Variants in CNOT1 observed in about 807,000 individuals in gnomAD.
CNOT1 encodes CCR4-NOT transcription complex subunit 1, also known as CCR4-associated factor 1.
CNOT1 carries 15 observed loss-of-function variants against 273.8 expected under a neutral mutation model. The observed-to-expected ratio is 0.05, with a 90% confidence interval of 0.04 to 0.08. The LOEUF is 0.08. Among genes scored for constraint, CNOT1 ranks in the 10% least tolerant of loss-of-function variants. The pLI is 1.00. For missense variants in CNOT1, 1,644 were observed against 2,912.2 expected (o/e 0.56, Z 10.02); for synonymous variants, 1,022 against 1,005.5 (o/e 1.02, Z -0.31).
intron 1 of CNOT1, among the ~76,000 whole-genome samples, chr16:58,628,394 G>A (rs540969403): frequency 1.3e-5 from 2 of 152,028 alleles, no homozygotes; most frequent in Non-Finnish European, 2.9e-5. Context: ...AATACCAACC[G>A]GGACCACAGA....
chr16:58,552,312 T>G (rs2040478230), intron 22 of CNOT1, among the ~76,000 whole-genome samples: 1 of 152,018 alleles, frequency 6.6e-6, no homozygotes, highest in Non-Finnish European at 1.5e-5. Flanking sequence ...ATTTCAACAG[T>G]CCTTACCTAG....
chr16:58,623,000 C>A (rs2043409642), intron 1 of CNOT1, among the ~76,000 whole-genome samples: 1 of 152,006 alleles, frequency 6.6e-6, no homozygotes, highest in Non-Finnish European at 1.5e-5. Flanking sequence ...GAGTTCGAGA[C>A]CAGCCTGACC....
At chr16:58,607,641 A>G (rs8062272) in intron 1 of CNOT1, among the ~76,000 whole-genome samples, 112,230 of 149,232 alleles carry the variant, frequency 0.75, 42,625 homozygotes, top group Middle Eastern at 0.86. Context: ...CAGGAAAATC[A>G]CTTGAATCCA....
intron 1 of CNOT1, among the ~76,000 whole-genome samples, chr16:58,620,117 A>G (rs2043255133): frequency 6.6e-6 from 1 of 152,190 alleles, no homozygotes; most frequent in Admixed American, 6.6e-5. Context: ...AACTGTAATA[A>G]ATGAAGCACT....
chr16:58,526,085 A>G lies in CNOT1; in HGVS notation c.6507T>C (p.Thr2169=). ...TTTTGAACTGAGGTGGCATTACTCC[A>G]GTGAAATTGGTGAGAATCCGGGGAG... ...NIAPRILTNF[T]GVMPPQFKKD... is the part of the protein sequence containing the mutation. The change falls in exon 45 of 49, where the codon ACT becomes ACC. Residue 2169 remains threonine, a synonymous_variant. Coordinates refer to ENST00000317147, the MANE Select transcript of CNOT1 (RefSeq NM_016284.5). The G allele has an allele frequency of 6.2e-7, 1 of 1,614,122 alleles. No individual in the cohort carries two copies.
rs2040596131 is a variant in CNOT1, at chr16:58,555,286, A to G, written c.2856T>C (p.Tyr952=). 6 of 1,614,178 alleles carry G rather than the reference A, an allele frequency of 3.7e-6. No individual in the cohort carries two copies. The highest frequency in any genetic ancestry group is 5.1e-6 in the Non-Finnish European group (6 of 1,180,042). Residue 952 remains tyrosine, a synonymous_variant, in exon 21 of 49, where the codon TAT becomes TAC. Transcript: ENST00000317147. The stretch of plus-strand genomic sequence containing the variant: ...ATCTATCTAGTGCAGCAATCCCGAA[A>G]TAATACATTTTGGATCCAAAAGGCT... ...LRKPFGSKMY[Y]FGIAALDRFK...
intron 1 of CNOT1, among the ~76,000 whole-genome samples, chr16:58,611,678 G>A (rs1251816445): frequency 6.6e-6 from 1 of 151,796 alleles, no homozygotes. Context: ...AAAATTAGCT[G>A]GGTGTGGTGG....
intron 18 of CNOT1, among the ~76,000 whole-genome samples, chr16:58,557,951 C>G (rs1597455003): frequency 6.6e-6 from 1 of 152,250 alleles, no homozygotes; most frequent in East Asian, 1.9e-4. Flanking sequence ...GATCGTACCA[C>G]TGCACTCCAG....
intron 43 of CNOT1, 54 bp downstream of exon 43, chr16:58,530,192 G>A (rs909976804): frequency 2.1e-6 from 3 of 1,410,120 alleles, no homozygotes; most frequent in African/African-American, 1.4e-5. Context: ...TTCCTAAAGT[G>A]TATTTTCTTA....
At chr16:58,622,175 G>A (rs546252989) in intron 1 of CNOT1, among the ~76,000 whole-genome samples, 12 of 151,284 alleles carry the variant, frequency 7.9e-5, no homozygotes, top group African/African-American at 2.4e-4. Context: ...TTAGCCAGGC[G>A]TGGTGGTGGG....
At chr16:58,601,734 T>TAAAAAA (rs66711143) in intron 1 of CNOT1, among the ~76,000 whole-genome samples, 13 of 91,504 alleles carry the variant, frequency 1.4e-4, no homozygotes, top group East Asian at 5.3e-4. Flanking sequence ...ATACCCACCT[T>TAAAAAA]AAAAAAAAAA....
intron 16 of CNOT1, among the ~76,000 whole-genome samples, chr16:58,572,971 T>A (rs1406604680): frequency 1.3e-5 from 2 of 148,406 alleles, no homozygotes; most frequent in Non-Finnish European, 3.0e-5. Context: ...TTTAACAAAA[T>A]CAGTACAAGA....
chr16:58,592,039 A>T (rs2042078970), intron 2 of CNOT1, among the ~76,000 whole-genome samples: 1 of 152,048 alleles, frequency 6.6e-6, no homozygotes. Context: ...TGATATACTT[A>T]ATTTTTCATA....
rs545494097 is a variant in CNOT1, at chr16:58,576,602, T to A, written c.1585-20A>T. On this transcript the variant is annotated intron_variant, in intron 13 of 48. Coordinates refer to ENST00000317147, the MANE Select transcript of CNOT1 (RefSeq NM_016284.5). ...CTGTCCCTAAAAAGGGGAAGAAAGATTAAATAGCAATACTGCTAAACACTG... is the reference window on the plus strand; with the variant it reads ...CTGTCCCTAAAAAGGGGAAGAAAGAATAAATAGCAATACTGCTAAACACTG... The A allele has an allele frequency of 1.9e-6, 3 of 1,613,866 alleles. No individual in the cohort carries two copies. The African/African-American group carries it at 4.0e-5, about 22-fold the overall frequency.
intron 1 of CNOT1, among the ~76,000 whole-genome samples, chr16:58,603,008 A>G (rs1360987993): frequency 6.6e-6 from 1 of 152,184 alleles, no homozygotes; most frequent in East Asian, 1.9e-4. Context: ...CTTGGAGCCA[A>G]TACCTATAGC....
intron 4 of CNOT1, 89 bp downstream of exon 4, chr16:58,587,691 T>G (rs537863385): frequency 1.4e-6 from 2 of 1,408,632 alleles, no homozygotes; most frequent in South Asian, 2.7e-5. Context: ...ATTTTTATAT[T>G]AAGACATCAC....
In CNOT1 at chr16:58,587,619, T is replaced by C. The variant is rs567716215; in HGVS notation, c.309+161A>G. ...GGTTTTAGTAAGATTCTATTTATTA[T>C]TAAATGAACTGCCTTGATTTTGTTA... is the stretch of plus-strand genomic sequence containing the variant. On this transcript the variant is annotated intron_variant, in intron 4 of 48. Coordinates refer to ENST00000317147, the MANE Select transcript of CNOT1 (RefSeq NM_016284.5). Among the ~76,000 whole-genome samples the C allele has an allele frequency of 7.2e-5, 11 of 152,310 alleles. No individual in the cohort carries two copies. In the South Asian group the frequency reaches 8.3e-4, roughly 11 times the overall value.
At chr16:58,588,945 T>C in intron 2 of CNOT1, 39 bp from the exon 3 acceptor site, 1 of 1,477,168 alleles carries the variant, frequency 6.8e-7, no homozygotes, top group Non-Finnish European at 9.0e-7. Flanking sequence ...TAAGGGAAGA[T>C]AAAACAAAAA....
At position 58,520,393 on chromosome 16, in the gene CNOT1, T is replaced by C. The variant is rs1212207013; in HGVS notation, c.*565A>G. On this transcript the variant is annotated 3_prime_UTR_variant, in exon 49 of 49. Coordinates refer to ENST00000317147, the MANE Select transcript of CNOT1 (RefSeq NM_016284.5). Reference sequence around the variant, plus strand: ...GGAATACGTTTGGGTAGAGACAAAATGGAAACTCATGGGATTCCAATAGTG... The same window carrying C: ...GGAATACGTTTGGGTAGAGACAAAACGGAAACTCATGGGATTCCAATAGTG... 6.5e-6 allele frequency: 1 copy of C among 154,204 alleles called. No individual in the cohort carries two copies. Among genetic ancestry groups the C allele is most frequent in the East Asian group, 1.9e-4 (1 of 5,224 alleles). The allele number at this position is 154,204 out of a possible 1,614,324, so 9.6% of individuals were successfully genotyped here.
Sources: allele counts gnomAD v4.1 joint callset (sites outside exome capture counted in the v4.1 genomes callset), GRCh38; gene constraint gnomAD v4.1.1; transcripts MANE v1.5; gene names NCBI Gene and HGNC (gene_info 2026-07-23, HGNC 2026-07-21).